Variants in MEGF10 observed in about 807,000 individuals in gnomAD.
MEGF10 encodes the protein multiple EGF like domains 10.
Under a neutral mutation model 147.5 loss-of-function variants are expected in MEGF10, and 86 were observed. That is an observed-to-expected ratio of 0.58 (90% CI 0.49 to 0.70). MEGF10 has a LOEUF of 0.70. MEGF10 is among the 30% of genes least tolerant of loss of function. MEGF10 has a pLI of 0.00. For missense variants in MEGF10, 1,329 were observed against 1,487.3 expected, an observed-to-expected ratio of 0.89 and a Z score of 1.75; for synonymous variants, 478 against 525.5, an observed-to-expected ratio of 0.91 and a Z score of 1.24.
chr5:127,396,433 A>T (rs1196849954), intron 5 of MEGF10, 99 bp from the exon 6 acceptor site: 2 of 1,357,862 alleles, frequency 1.5e-6, no homozygotes, highest in African/African-American at 2.9e-5. Flanking sequence ...CCAGCTAATG[A>T]ATGGCCATGA....
chr5:127,297,932 G>A (rs576911917), intron 1 of MEGF10, among the ~76,000 whole-genome samples: 167 of 152,106 alleles, frequency 1.1e-3, no homozygotes, highest in Non-Finnish European at 1.7e-3. Flanking sequence ...ACGGAGACAG[G>A]GCTCATGTTT....
In MEGF10 at chr5:127,458,873, G is replaced by A. The variant is rs1766462605; in HGVS notation, c.*1555G>A. 6.6e-6 allele frequency: 1 copy of A among 152,062 alleles called. No homozygotes were observed. The highest frequency in any genetic ancestry group is 6.6e-5 in the Admixed American group (1 of 15,252). 9.4% of individuals were successfully genotyped at this position (152,062 alleles called of 1,614,324 possible). On this transcript the variant is annotated 3_prime_UTR_variant, in exon 25 of 25. Transcript: ENST00000503335. ...ACTGGGACACTCTTGAGAGTAAATG[G>A]AGGGCATTATTAATAATTATCTTGT... is the stretch of plus-strand genomic sequence containing the variant.
chr5:127,387,526 C>A (rs1763476977), intron 5 of MEGF10, among the ~76,000 whole-genome samples: 1 of 152,152 alleles, frequency 6.6e-6, no homozygotes, highest in Non-Finnish European at 1.5e-5. Context: ...GAAAACCAGG[C>A]AGAAGCAGTT....
At chr5:127,437,528 G>A (rs1401145060) in intron 16 of MEGF10, among the ~76,000 whole-genome samples, 1 of 152,106 alleles carries the variant, frequency 6.6e-6, no homozygotes, top group African/African-American at 2.4e-5. Context: ...AGAAATTACA[G>A]GTGGTCCTCC....
At chr5:127,447,118 G>A (rs1765963110) in intron 20 of MEGF10, among the ~76,000 whole-genome samples, 1 of 152,180 alleles carries the variant, frequency 6.6e-6, no homozygotes, top group East Asian at 1.9e-4. Context: ...CTGGGCAGGA[G>A]GAGATTCTGC....
chr5:127,424,462 T>C, intron 13 of MEGF10: 2 of 1,283,160 alleles, frequency 1.6e-6, no homozygotes, highest in Non-Finnish European at 2.1e-6. Flanking sequence ...ATTTGGGGAA[T>C]ACTGTCCACT....
intron 5 of MEGF10, among the ~76,000 whole-genome samples, chr5:127,380,064 C>CT (rs1340327929): frequency 1.3e-5 from 1 of 76,074 alleles, no homozygotes; most frequent in African/African-American, 4.5e-5. Context: ...GATTTGTTAA[C>CT]TTGTTTTTTT....
intron 4 of MEGF10, among the ~76,000 whole-genome samples, chr5:127,359,657 T>C (rs1762406094): frequency 6.6e-6 from 1 of 152,140 alleles, no homozygotes; most frequent in Non-Finnish European, 1.5e-5. Context: ...TCTGATTTCT[T>C]TTACTCATCA....
chr5:127,326,460 T>G (rs567057216), intron 1 of MEGF10, among the ~76,000 whole-genome samples: 1 of 152,306 alleles, frequency 6.6e-6, no homozygotes, highest in Non-Finnish European at 1.5e-5. Context: ...TGCTAATGCC[T>G]TAAGGATTCC....
the MEGF10 span, among the ~76,000 whole-genome samples, chr5:127,243,678 G>A: frequency 6.6e-6 from 1 of 152,140 alleles, no homozygotes; most frequent in Non-Finnish European, 1.5e-5. Context: ...GGTCATTTGT[G>A]TATCATCATC....
chr5:127,443,027 T>G lies in MEGF10; in HGVS notation c.2392T>G (p.Cys798Gly). 1 of 1,613,676 alleles carries G rather than the reference T, an allele frequency of 6.2e-7. No homozygotes were observed. The highest frequency in any genetic ancestry group is 8.5e-7 in the Non-Finnish European group (1 of 1,179,644). Residue 798 changes from cysteine (C) to glycine (G), a missense_variant, in exon 19 of 25, where the codon TGT (cysteine) becomes GGT (glycine). Coordinates refer to ENST00000503335, the MANE Select transcript of MEGF10 (RefSeq NM_001256545.2). The stretch of plus-strand genomic sequence containing the variant: ...CCCTTCAGGAACATATGGCTATGGC[T>G]GTCGCCAGATATGTGATTGTCTGAA... ...KCPSGTYGYG[C>G]RQICDCLNNS... is the part of the protein sequence containing the mutation.
chr5:127,250,212 C>CT, the MEGF10 span, among the ~76,000 whole-genome samples: 1 of 151,902 alleles, frequency 6.6e-6, no homozygotes, highest in Non-Finnish European at 1.5e-5. Context: ...ATTAAAAAAA[C>CT]TTTCATAAGA....
intron 8 of MEGF10, among the ~76,000 whole-genome samples, chr5:127,404,581 G>C (rs888470460): frequency 6.6e-6 from 1 of 152,082 alleles, no homozygotes; most frequent in Non-Finnish European, 1.5e-5. Context: ...TCTTGAATCT[G>C]TCATGTCCTG....
chr5:127,396,202 C>G (rs1199319830), intron 5 of MEGF10, among the ~76,000 whole-genome samples: 1 of 152,230 alleles, frequency 6.6e-6, no homozygotes, highest in African/African-American at 2.4e-5. Context: ...CCTTGCAGAA[C>G]CCCTGAGCTC....
chr5:127,439,822 C>G (rs987126473), intron 17 of MEGF10, among the ~76,000 whole-genome samples: 1 of 152,154 alleles, frequency 6.6e-6, no homozygotes, highest in Non-Finnish European at 1.5e-5. Flanking sequence ...ATATCCATCC[C>G]TGCATTTCTG....
intron 12 of MEGF10, among the ~76,000 whole-genome samples, 157 bp from the exon 13 acceptor site, chr5:127,422,513 C>CA (rs890844809): frequency 2.5e-4 from 38 of 149,726 alleles, no homozygotes; most frequent in Non-Finnish European, 4.0e-4. Flanking sequence ...GACTCCATCT[C>CA]AAAAAAAAAG....
the MEGF10 span, among the ~76,000 whole-genome samples, chr5:127,259,883 A>G: frequency 6.6e-6 from 1 of 152,122 alleles, no homozygotes; most frequent in Non-Finnish European, 1.5e-5. Context: ...GTGGCCGGGC[A>G]CGGTGGCTCA....
At chr5:127,400,452 A>G (rs1764082433) in intron 7 of MEGF10, among the ~76,000 whole-genome samples, 1 of 152,200 alleles carries the variant, frequency 6.6e-6, no homozygotes, top group African/African-American at 2.4e-5. Flanking sequence ...GGTTAAAACT[A>G]ACACTTCTCT....
the MEGF10 span, among the ~76,000 whole-genome samples, chr5:127,285,510 C>A: frequency 6.6e-6 from 1 of 151,958 alleles, no homozygotes; most frequent in African/African-American, 2.4e-5. Flanking sequence ...TCTAAGATTG[C>A]ATTAGTTATG....
Sources: gnomAD v4.1 joint callset for allele counts (sites outside exome capture counted in the v4.1 genomes callset) on GRCh38, gnomAD v4.1.1 for gene constraint, MANE v1.5 for transcripts, NCBI Gene and HGNC (gene_info 2026-07-23, HGNC 2026-07-21) for gene names.